IL1RAPL1: variants seen among roughly 807,000 people sequenced by gnomAD.
IL1RAPL1 encodes interleukin-1 receptor accessory protein-like 1.
A neutral mutation model predicts 48.4 loss-of-function variants in IL1RAPL1; 3 were observed. The observed-to-expected ratio is 0.06, with a 90% CI of 0.03 to 0.16. The LOEUF is 0.16. IL1RAPL1 is among the 10% of genes least tolerant of loss of function. The pLI, the probability that IL1RAPL1 is intolerant of heterozygous loss-of-function variation, is 1.00. For synonymous variants in IL1RAPL1, 185 were observed against 187.7 expected, an observed-to-expected ratio of 0.99 and a Z score of 0.12; for missense variants, 349 against 530.6, an observed-to-expected ratio of 0.66 and a Z score of 3.36.
At chrX:29,904,263 G>C (rs1474984303) in intron 6 of IL1RAPL1, among the ~76,000 whole-genome samples, 1 of 111,485 alleles carries the variant, frequency 9.0e-6, no homozygotes, top group Non-Finnish European at 1.9e-5. Context: ...GCTTATTACA[G>C]CAAATTAGAG....
intron 1 of IL1RAPL1, among the ~76,000 whole-genome samples, chrX:28,751,636 G>A (rs1936044359): frequency 8.9e-6 from 1 of 112,115 alleles, no homozygotes; most frequent in East Asian, 2.8e-4. Flanking sequence ...TGTTGCTACA[G>A]CAGTAGATAA....
At chrX:28,714,508 A>G (rs1693712024) in intron 1 of IL1RAPL1, among the ~76,000 whole-genome samples, 1 of 112,084 alleles carries the variant, frequency 8.9e-6, no homozygotes, top group Admixed American at 9.5e-5. Context: ...ATGATATATC[A>G]TAATTTCCTT....
intron 5 of IL1RAPL1, among the ~76,000 whole-genome samples, chrX:29,418,285 C>T (rs1934249248): frequency 9.4e-6 from 1 of 106,003 alleles, no homozygotes; most frequent in South Asian, 4.3e-4. Flanking sequence ...GCCACCACGC[C>T]CCACTAATTT....
intron 2 of IL1RAPL1, among the ~76,000 whole-genome samples, chrX:28,864,397 A>T (rs1038314971): frequency 2.7e-5 from 3 of 112,499 alleles, no homozygotes; most frequent in Non-Finnish European, 3.8e-5. Context: ...ATTTTATAAA[A>T]TAACATTTAT....
At chrX:29,701,897 G>C (rs1927060247) in intron 6 of IL1RAPL1, among the ~76,000 whole-genome samples, 1 of 111,727 alleles carries the variant, frequency 9.0e-6, no homozygotes, top group Non-Finnish European at 1.9e-5. Flanking sequence ...GTAAAAGAAA[G>C]CATGAGTGTT....
At chrX:29,806,224 C>T (rs972393899) in intron 6 of IL1RAPL1, among the ~76,000 whole-genome samples, 30 of 109,730 alleles carry the variant, frequency 2.7e-4, no homozygotes, top group African/African-American at 8.3e-4. Flanking sequence ...TGCGTGCACG[C>T]GTGCACACAC....
rs1929569008 is a variant in IL1RAPL1 at position 29,156,354 on chromosome X, C to A, written c.83-126584C>A. Among the ~76,000 whole-genome samples, 7 of 111,696 alleles carry A rather than the reference C, an allele frequency of 6.3e-5. No individual in the cohort carries two copies. The South Asian group carries it at 2.6e-3, about 41-fold the overall frequency. On this transcript the variant is annotated intron_variant, in intron 2 of 10. Coordinates refer to ENST00000378993, the MANE Select transcript of IL1RAPL1 (RefSeq NM_014271.4). ...ACTGGGACACCTACTGAGGTGTGTT[C>A]TTAGAACCAAAGACTTCGACTTAAA...
chrX:29,344,915 C>T (rs778760151), intron 3 of IL1RAPL1, among the ~76,000 whole-genome samples: 8 of 112,797 alleles, frequency 7.1e-5, no homozygotes, highest in African/African-American at 2.2e-4. Flanking sequence ...GGATTACAGG[C>T]GTGAGCCACC....
At chrX:29,391,984 T>C (rs1311450209) in intron 3 of IL1RAPL1, among the ~76,000 whole-genome samples, 1 of 112,403 alleles carries the variant, frequency 8.9e-6, no homozygotes, top group Non-Finnish European at 1.9e-5. Flanking sequence ...TTCTCCAATA[T>C]GTTGTGTGTG....
At chrX:29,447,245 A>G (rs1354964610) in intron 5 of IL1RAPL1, among the ~76,000 whole-genome samples, 2 of 110,828 alleles carry the variant, frequency 1.8e-5, no homozygotes, top group East Asian at 5.6e-4. Flanking sequence ...GCCTTTGAAA[A>G]TAGAATTTCC....
intron 1 of IL1RAPL1, among the ~76,000 whole-genome samples, chrX:28,716,340 G>A (rs1322437668): frequency 9.0e-6 from 1 of 111,058 alleles, no homozygotes; most frequent in Non-Finnish European, 1.9e-5. Context: ...GGGTAGTCAG[G>A]CAAGAGAAAG....
intron 2 of IL1RAPL1, among the ~76,000 whole-genome samples, chrX:29,073,660 G>C (rs1193595256): frequency 9.0e-6 from 1 of 111,419 alleles, no homozygotes; most frequent in Admixed American, 9.6e-5. Flanking sequence ...GACCCTCTTG[G>C]GTGAACCTGA....
At chrX:29,033,573 C>A (rs1157468885) in intron 2 of IL1RAPL1, among the ~76,000 whole-genome samples, 1 of 111,170 alleles carries the variant, frequency 9.0e-6, no homozygotes, top group African/African-American at 3.3e-5. Flanking sequence ...GAATGACATT[C>A]TTTAAGCTAT....
At chrX:29,255,112 A>G (rs907697827) in intron 2 of IL1RAPL1, among the ~76,000 whole-genome samples, 3 of 96,320 alleles carry the variant, frequency 3.1e-5, no homozygotes, top group Admixed American at 1.2e-4. Flanking sequence ...AGTTTTTAGT[A>G]ACTAAGGTAT....
intron 9 of IL1RAPL1, among the ~76,000 whole-genome samples, chrX:29,952,979 A>C (rs960511850): frequency 8.9e-6 from 1 of 111,877 alleles, no homozygotes; most frequent in East Asian, 2.8e-4. Flanking sequence ...TAGATGGCTC[A>C]AAATTATCAG....
intron 9 of IL1RAPL1, among the ~76,000 whole-genome samples, chrX:29,950,864 G>A (rs777850449): frequency 1.8e-5 from 2 of 110,062 alleles, no homozygotes; most frequent in Non-Finnish European, 3.8e-5. Context: ...ATTTTTAGTA[G>A]AGACGAGGTT....
At chrX:28,773,546 T>C (rs1458329022) in intron 1 of IL1RAPL1, among the ~76,000 whole-genome samples, 2 of 112,127 alleles carry the variant, frequency 1.8e-5, no homozygotes, top group Admixed American at 9.5e-5. Flanking sequence ...AAATGATGCA[T>C]TGAAATAGAA....
intron 3 of IL1RAPL1, among the ~76,000 whole-genome samples, chrX:29,291,344 A>T (rs972308240): frequency 8.9e-6 from 1 of 112,010 alleles, no homozygotes; most frequent in African/African-American, 3.2e-5. Context: ...TCTAAAATTC[A>T]GCTGGATACA....
chrX:28,669,646 CTT>C (rs911658061), intron 1 of IL1RAPL1, among the ~76,000 whole-genome samples: 13 of 99,660 alleles, frequency 1.3e-4, no homozygotes, highest in Admixed American at 2.3e-4. Flanking sequence ...ATATATATAA[CTT>C]ATATATATAA....
Sources: allele counts gnomAD v4.1 joint callset (sites outside exome capture counted in the v4.1 genomes callset), GRCh38; gene constraint gnomAD v4.1.1; transcripts MANE v1.5; gene names NCBI Gene and HGNC (gene_info 2026-07-23, HGNC 2026-07-21).